Variants in CAMK2G observed in about 807,000 individuals in gnomAD.
CAMK2G encodes calcium/calmodulin-dependent protein kinase type II subunit gamma.
Under a neutral mutation model 88.7 loss-of-function variants are expected in CAMK2G, and 23 were observed. That is an observed-to-expected ratio of 0.26 (90% CI 0.19 to 0.37). The LOEUF (loss-of-function observed/expected upper bound fraction) is 0.37, where lower values mean the gene tolerates loss of function less well. Ranked by LOEUF, CAMK2G falls within the 10% of genes least tolerant of loss-of-function variation. The pLI is 1.00. For missense variants in CAMK2G, 476 were observed against 780.8 expected (o/e 0.61, Z 4.65); for synonymous variants, 263 against 294.8 (o/e 0.89, Z 1.11).
chr10:73,839,650 G>T lies in CAMK2G; in HGVS notation c.947-49C>A. 9.0e-7 allele frequency: 1 copy of T among 1,115,376 alleles called. No individual in the cohort carries two copies. The highest frequency in any genetic ancestry group is 1.1e-6 in the Non-Finnish European group (1 of 880,558). 69.1% of individuals were successfully genotyped at this position (1,115,376 alleles called of 1,614,324 possible). On this transcript the variant is annotated intron_variant, in intron 12 of 22. Coordinates refer to ENST00000423381, the MANE Select transcript of CAMK2G (RefSeq NM_001367534.1). This position sits in a 1 kb window ranked among gnomAD's most constrained non-coding sequence, Gnocchi z 4.2. ...GCACAGAGCCCCGCAAAGCCACGGG[G>T]CCGTCAGCAGCGAGCATGCCCCAGC... is the stretch of plus-strand genomic sequence containing the variant.
intron 14 of CAMK2G, among the ~76,000 whole-genome samples, chr10:73,832,387 A>G (rs1000817701): frequency 2.0e-5 from 3 of 151,852 alleles, no homozygotes; most frequent in Admixed American, 2.0e-4. Context: ...GCTCACCGCA[A>G]CCTCCGACTC....
Position 73,849,279 on chromosome 10 carries a change from G to C in CAMK2G, c.396C>G (p.Ile132Met). The change falls in exon 6 of 23, where the codon ATC (isoleucine) becomes ATG (methionine). Residue 132 changes from isoleucine to methionine, a missense_variant. By Grantham distance (10) the Ile-to-Met change is conservative (BLOSUM62 1). Coordinates refer to ENST00000423381, the MANE Select transcript of CAMK2G (RefSeq NM_001367534.1). ...GTAGTACCTTCAGGTCCCTGTGGACGATGTCATGCTGGTGGATGTGGTTAA... is the reference window on the plus strand; with the variant it reads ...GTAGTACCTTCAGGTCCCTGTGGACCATGTCATGCTGGTGGATGTGGTTAA... The part of the protein sequence containing the change: ...ESVNHIHQHD[I>M]VHRDLKPENL... 1 of 1,613,554 alleles carries C rather than the reference G, an allele frequency of 6.2e-7. No individual in the cohort carries two copies. Among genetic ancestry groups the C allele is most frequent in the Non-Finnish European group, 8.5e-7 (1 of 1,179,500 alleles).
At chr10:73,849,451 A>C in intron 5 of CAMK2G, 118 bp from the exon 6 acceptor site, 1 of 683,240 alleles carries the variant, frequency 1.5e-6, no homozygotes, top group Non-Finnish European at 2.6e-6. Context: ...ACAGAGAATC[A>C]CTTAACGGCC....
Position 73,816,051 on chromosome 10 carries a change from C to T in CAMK2G, c.1535-804G>A, listed in dbSNP as rs1341275955. On this transcript the variant is annotated intron_variant, in intron 21 of 22. Coordinates refer to ENST00000423381, the MANE Select transcript of CAMK2G (RefSeq NM_001367534.1). ...GAGATGTGATAAGGGTGGGAGCCAG[C>T]GGAGAAGTTAGTGACTAACTATAAC... 10 of 985,144 alleles carry T rather than the reference C, an allele frequency of 1.0e-5. No individual in the cohort carries two copies. The East Asian group carries it at 4.5e-4, about 45-fold the overall frequency. The allele number at this position is 985,144 out of a possible 1,614,324, so 61.0% of individuals were successfully genotyped here.
At chr10:73,821,293 C>T (rs1485801070) in intron 18 of CAMK2G, among the ~76,000 whole-genome samples, 5 of 152,026 alleles carry the variant, frequency 3.3e-5, no homozygotes, top group East Asian at 1.9e-4. Context: ...GTTCTGTGTC[C>T]GAGGAAAACC....
intron 21 of CAMK2G, 23 bp from the exon 22 acceptor site, chr10:73,815,270 T>C: frequency 6.6e-7 from 1 of 1,524,502 alleles, no homozygotes; most frequent in Non-Finnish European, 9.1e-7. Context: ...GTGGGGTAGG[T>C]AAGAGGACAT....
chr10:73,833,638 C>T (rs927835979), intron 14 of CAMK2G, among the ~76,000 whole-genome samples: 2 of 151,682 alleles, frequency 1.3e-5, no homozygotes, highest in Admixed American at 6.6e-5. Flanking sequence ...CTCTGTCCCC[C>T]AGGCTGGAGT....
intron 9 of CAMK2G, 109 bp downstream of exon 9, chr10:73,847,879 C>T: frequency 1.6e-6 from 1 of 620,682 alleles, no homozygotes. Context: ...AGTCCCCTGA[C>T]ACCCCCGTAT....
intron 2 of CAMK2G, among the ~76,000 whole-genome samples, chr10:73,865,940 C>T (rs1484418579): frequency 6.6e-6 from 1 of 151,208 alleles, no homozygotes; most frequent in Non-Finnish European, 1.5e-5. Context: ...TTCCTGCCTG[C>T]CTGTGTGCTA....
At chr10:73,868,719 A>C (rs2095687179) in intron 2 of CAMK2G, among the ~76,000 whole-genome samples, 1 of 151,900 alleles carries the variant, frequency 6.6e-6, no homozygotes, top group Non-Finnish European at 1.5e-5. Flanking sequence ...CTTCACCCAG[A>C]TCCTTAACAG....
chr10:73,820,493 T>TATA (rs1491202927), intron 18 of CAMK2G, among the ~76,000 whole-genome samples: 1,395 of 30,576 alleles, frequency 0.046, 10 homozygotes, highest in East Asian at 0.16. Flanking sequence ...TATATATATA[T>TATA]TTTTTTTTTT....
Position 73,862,307 on chromosome 10 carries a change from C to A in CAMK2G, c.161-1418G>T, listed in dbSNP as rs867389749. Among the ~76,000 whole-genome samples the A allele has an allele frequency of 1.2e-4, 18 of 145,884 alleles. 1 individual carries two copies. The highest frequency in any genetic ancestry group is 4.6e-4 in the South Asian group (2 of 4,316). ...TCTCCCTCCTACTCCACCCCCCCCC[C>A]CCCCGATTTCCCAATGCACTTCTCA... On this transcript the variant is annotated intron_variant, in intron 2 of 22. Transcript: ENST00000423381.
intron 2 of CAMK2G, among the ~76,000 whole-genome samples, chr10:73,862,216 C>T (rs1565484095): frequency 6.6e-6 from 1 of 150,458 alleles, no homozygotes; most frequent in Non-Finnish European, 1.5e-5. Flanking sequence ...TTTCTACTTG[C>T]TGAAATCCTG....
At chr10:73,873,621 G>C (rs1045299410) in intron 1 of CAMK2G, 1 of 693,346 alleles carries the variant, frequency 1.4e-6, no homozygotes, top group Non-Finnish European at 1.8e-6. Flanking sequence ...CTGACAGCAA[G>C]GGAAGAGAGG....
intron 14 of CAMK2G, among the ~76,000 whole-genome samples, chr10:73,833,897 C>T (rs1365330818): frequency 1.4e-5 from 2 of 140,930 alleles, no homozygotes; most frequent in Non-Finnish European, 3.0e-5. Context: ...CCACACCTAG[C>T]CTATCTACTG....
intron 2 of CAMK2G, among the ~76,000 whole-genome samples, chr10:73,872,242 C>A (rs1028687563): frequency 4.6e-5 from 7 of 152,182 alleles, no homozygotes; most frequent in Non-Finnish European, 8.8e-5. Context: ...ACCCTCCAAG[C>A]CTCAGGTACT....
rs751571445 is a variant in CAMK2G, at chr10:73,817,127, G to GA, written c.1440-11dup. ...TGGATCACAAATCTTCCTACAGGGA[G>GA]AAAAAAAAAAGCAGCCTATCAGGCT... On this transcript the variant is annotated splice_polypyrimidine_tract_variant and intron_variant, in intron 20 of 22. Transcript: ENST00000423381. 3.8e-3 allele frequency: 5,105 copies of GA among 1,340,468 alleles called. 1 individual carries two copies. Among genetic ancestry groups the GA allele is most frequent in the Admixed American group, 4.9e-3 (220 of 44,798 alleles). 83.0% of individuals were successfully genotyped at this position (1,340,468 alleles called of 1,614,324 possible).
intron 20 of CAMK2G, 75 bp downstream of exon 20, chr10:73,817,404 C>A: frequency 9.2e-7 from 1 of 1,084,016 alleles, no homozygotes; most frequent in Non-Finnish European, 1.4e-6. Context: ...TCCCCAGGGT[C>A]CTAATTGTTG....
In CAMK2G at chr10:73,834,209, C is replaced by T. The variant is rs143783219; in HGVS notation, c.1053+3259G>A. ...CTGGGATTACAGGCGTGAGCCACCA[C>T]GCCCAGCTTCTACTGGGTTTTAAGA... On this transcript the variant is annotated intron_variant, in intron 14 of 22. Transcript: ENST00000423381. 2.5e-4 allele frequency among the ~76,000 whole-genome samples: 38 copies of T among 152,316 alleles called. No homozygotes were observed. In the East Asian group the frequency reaches 4.4e-3, roughly 18 times the overall value.
Sources: gnomAD v4.1 joint callset for allele counts (sites outside exome capture counted in the v4.1 genomes callset) on GRCh38, gnomAD v4.1.1 for gene constraint, Gnocchi (gnomAD v3.1) non-coding constraint, MANE v1.5 for transcripts, NCBI Gene and HGNC (gene_info 2026-07-23, HGNC 2026-07-21) for gene names.